The following GPC5 variants were observed in gnomAD, a reference collection of about 807,000 sequenced individuals.
The protein encoded by GPC5 is glypican 5.
Under a neutral mutation model 53.9 loss-of-function variants are expected in GPC5, and 47 were observed. The observed-to-expected ratio is 0.87, with a 90% CI of 0.69 to 1.11. The LOEUF is 1.11. GPC5 is among the 50% of genes most tolerant of loss of function. The probability of loss-of-function intolerance (pLI) is 0.00; values close to 1 mark genes in which losing one functional copy is unlikely to be tolerated. For synonymous variants in GPC5, 286 were observed against 263.3 expected, an observed-to-expected ratio of 1.09 and a Z score of -0.84; for missense variants, 748 against 713.1, an observed-to-expected ratio of 1.05 and a Z score of -0.56.
At chr13:92,281,154 T>C (rs1013206214) in intron 7 of GPC5, among the ~76,000 whole-genome samples, 6 of 152,136 alleles carry the variant, frequency 3.9e-5, no homozygotes, top group African/African-American at 1.4e-4. Flanking sequence ...TCATTGCTAG[T>C]AAGGCAGTCT....
intron 7 of GPC5, among the ~76,000 whole-genome samples, chr13:92,385,712 C>CATGT (rs1874659485): frequency 7.6e-5 from 10 of 130,968 alleles, no homozygotes; most frequent in African/African-American, 2.3e-4. Context: ...CATATATACA[C>CATGT]ATATATACAT....
At chr13:92,746,390 A>G (rs1889242646) in intron 7 of GPC5, among the ~76,000 whole-genome samples, 1 of 152,174 alleles carries the variant, frequency 6.6e-6, no homozygotes, top group African/African-American at 2.4e-5. Flanking sequence ...AGAATTAACA[A>G]TATTTTCTTT....
intron 7 of GPC5, among the ~76,000 whole-genome samples, chr13:92,850,942 A>C (rs187071403): frequency 6.6e-6 from 1 of 152,324 alleles, no homozygotes; most frequent in East Asian, 1.9e-4. Context: ...ACTTATAAAT[A>C]AAAGAGTTTA....
chr13:91,948,936 T>C (rs1464762262), intron 6 of GPC5, among the ~76,000 whole-genome samples: 3 of 152,184 alleles, frequency 2.0e-5, no homozygotes, highest in Non-Finnish European at 4.4e-5. Flanking sequence ...AGACATATGG[T>C]ATGTCAGTGG....
At chr13:92,237,667 G>A (rs1398389179) in intron 7 of GPC5, among the ~76,000 whole-genome samples, 3 of 151,854 alleles carry the variant, frequency 2.0e-5, no homozygotes, top group East Asian at 1.9e-4. Context: ...CATCTTTGTC[G>A]AGATAGAGTT....
intron 5 of GPC5, among the ~76,000 whole-genome samples, chr13:91,891,266 C>A (rs2039382906): frequency 6.6e-6 from 1 of 152,010 alleles, no homozygotes; most frequent in East Asian, 1.9e-4. Context: ...ATTTAAAAAC[C>A]TCTTGAGCCT....
intron 7 of GPC5, among the ~76,000 whole-genome samples, chr13:92,834,555 C>A (rs1878160393): frequency 6.6e-6 from 1 of 152,020 alleles, no homozygotes; most frequent in Non-Finnish European, 1.5e-5. Context: ...ATAAATGCTT[C>A]AAAAAATCAA....
intron 7 of GPC5, among the ~76,000 whole-genome samples, chr13:92,215,747 T>C (rs1249717394): frequency 6.6e-6 from 1 of 152,182 alleles, no homozygotes; most frequent in Admixed American, 6.5e-5. Flanking sequence ...AGAAATCCAT[T>C]ACAGCAGAGT....
At chr13:92,284,643 C>G (rs575270831) in intron 7 of GPC5, among the ~76,000 whole-genome samples, 1 of 152,256 alleles carries the variant, frequency 6.6e-6, no homozygotes, top group African/African-American at 2.4e-5. Context: ...ACAAAAAACA[C>G]ATGATTATCT....
chr13:92,281,711 C>A (rs1210273643), intron 7 of GPC5, among the ~76,000 whole-genome samples: 1 of 152,102 alleles, frequency 6.6e-6, no homozygotes, highest in Non-Finnish European at 1.5e-5. Context: ...GAAAACTAAC[C>A]AACAGAAAGG....
intron 6 of GPC5, among the ~76,000 whole-genome samples, chr13:91,925,115 G>C (rs2039754959): frequency 1.3e-5 from 2 of 152,018 alleles, no homozygotes. Flanking sequence ...TACTGTGCCC[G>C]GCCACTTCGT....
chr13:91,706,444 A>T (rs2036107643), intron 3 of GPC5, among the ~76,000 whole-genome samples: 1 of 152,114 alleles, frequency 6.6e-6, no homozygotes, highest in Non-Finnish European at 1.5e-5. Flanking sequence ...AATCTCTGGT[A>T]TTCACCTTTC....
At chr13:92,381,161 C>A (rs1200781150) in intron 7 of GPC5, among the ~76,000 whole-genome samples, 2 of 152,160 alleles carry the variant, frequency 1.3e-5, no homozygotes, top group Non-Finnish European at 2.9e-5. Context: ...ATATCAGTTT[C>A]TTCCTGGTCT....
chr13:92,078,764 A>G (rs1270120338), intron 6 of GPC5, among the ~76,000 whole-genome samples: 1 of 152,188 alleles, frequency 6.6e-6, no homozygotes, highest in Non-Finnish European at 1.5e-5. Flanking sequence ...TCAGACACTT[A>G]CCATAACGTG....
At chr13:92,137,047 G>C (rs2148447) in intron 6 of GPC5, among the ~76,000 whole-genome samples, 1 of 152,138 alleles carries the variant, frequency 6.6e-6, no homozygotes. Context: ...AAGGAAGCAC[G>C]TTCCGAAAGT....
intron 7 of GPC5, among the ~76,000 whole-genome samples, chr13:92,221,583 A>G (rs1399705640): frequency 6.6e-6 from 1 of 152,080 alleles, no homozygotes; most frequent in Non-Finnish European, 1.5e-5. Flanking sequence ...TTTTGCTCCC[A>G]CTGGCATAGG....
intron 7 of GPC5, among the ~76,000 whole-genome samples, chr13:92,150,748 C>T (rs902346107): frequency 3.9e-5 from 6 of 152,000 alleles, no homozygotes; most frequent in African/African-American, 1.4e-4. Flanking sequence ...GAGGAGCCCT[C>T]CTAGCTTGCA....
intron 5 of GPC5, among the ~76,000 whole-genome samples, chr13:91,767,258 A>G (rs377543358): frequency 6.6e-6 from 1 of 152,194 alleles, no homozygotes; most frequent in African/African-American, 2.4e-5. Flanking sequence ...AAACTGAGAA[A>G]TTATGTCTTA....
chr13:91,730,504 G>A (rs1274332378), intron 4 of GPC5, among the ~76,000 whole-genome samples: 2 of 152,016 alleles, frequency 1.3e-5, no homozygotes, highest in African/African-American at 2.4e-5. Flanking sequence ...AGTTCTTCAC[G>A]GCAATCTCAG....
Sources: allele counts gnomAD v4.1 joint callset (sites outside exome capture counted in the v4.1 genomes callset), GRCh38; gene constraint gnomAD v4.1.1; transcripts MANE v1.5; gene names NCBI Gene and HGNC (gene_info 2026-07-23, HGNC 2026-07-21).